ATRN: variants seen among roughly 807,000 people sequenced by gnomAD.
ATRN encodes the protein attractin-2.
In ATRN, 54 loss-of-function variants were observed where a neutral mutation model predicts 178.7. The ratio of observed to expected loss-of-function variants is 0.30; its 90% CI spans 0.24 to 0.38. ATRN has a LOEUF of 0.38. Ranked by LOEUF, ATRN falls within the 10% of genes least tolerant of loss-of-function variation. ATRN has a pLI of 1.00. For synonymous variants in ATRN, 636 were observed against 663.0 expected (o/e 0.96, Z 0.63); for missense variants, 1,443 against 1,815.1 (o/e 0.79, Z 3.73).
At chr20:3,543,164 G>A (rs924498283) in intron 3 of ATRN, among the ~76,000 whole-genome samples, 2 of 152,048 alleles carry the variant, frequency 1.3e-5, no homozygotes, top group Non-Finnish European at 2.9e-5. Flanking sequence ...TCCCTTCATA[G>A]CATTTGTCTC....
chr20:3,497,451 A>G (rs1220156234), intron 1 of ATRN, among the ~76,000 whole-genome samples: 15 of 152,046 alleles, frequency 9.9e-5, no homozygotes, highest in Admixed American at 6.6e-4. Flanking sequence ...GAAATTCTGG[A>G]TTGAAAATTC....
At chr20:3,528,929 T>C (rs2085412083) in intron 1 of ATRN, among the ~76,000 whole-genome samples, 1 of 152,000 alleles carries the variant, frequency 6.6e-6, no homozygotes, top group Non-Finnish European at 1.5e-5. Context: ...CCTTCTACCT[T>C]AACCTCCCAA....
intron 1 of ATRN, among the ~76,000 whole-genome samples, chr20:3,491,207 A>C (rs1240450285): frequency 6.6e-6 from 1 of 152,052 alleles, no homozygotes; most frequent in Non-Finnish European, 1.5e-5. Context: ...ATGTGGCCTC[A>C]TTTCTGTGTT....
chr20:3,501,643 G>A (rs955629435), intron 1 of ATRN, among the ~76,000 whole-genome samples: 1 of 152,208 alleles, frequency 6.6e-6, no homozygotes, highest in Non-Finnish European at 1.5e-5. Context: ...TGGAAAGTGA[G>A]CAAGGCAAAG....
intron 18 of ATRN, among the ~76,000 whole-genome samples, chr20:3,586,311 A>G (rs913850203): frequency 5.9e-5 from 9 of 152,254 alleles, no homozygotes; most frequent in African/African-American, 2.2e-4. Flanking sequence ...AAAACATGCT[A>G]TGTAAAAGAA....
Position 3,650,247 on chromosome 20 carries a change from T to TG in ATRN, c.*3403dup, listed in dbSNP as rs1293055764. The TG allele has an allele frequency of 6.5e-6, 1 of 152,672 alleles. No individual in the cohort carries two copies. The highest frequency in any genetic ancestry group is 1.5e-5 in the Non-Finnish European group (1 of 68,056). The allele number at this position is 152,672 out of a possible 1,614,324, so 9.5% of individuals were successfully genotyped here. ...GGGGCCAGGGGCTGATTCACTTCCT[T>TG]GGGAGATGGTGGTGTTTTCATGAAC... On this transcript the variant is annotated 3_prime_UTR_variant, in exon 29 of 29. Transcript: ENST00000262919.
At chr20:3,495,125 T>G (rs756990793) in intron 1 of ATRN, among the ~76,000 whole-genome samples, 20 of 152,204 alleles carry the variant, frequency 1.3e-4, no homozygotes, top group Non-Finnish European at 2.6e-4. Context: ...ATAGTATGAG[T>G]CAATATTCAT....
chr20:3,512,683 A>G (rs1409853367), intron 1 of ATRN, among the ~76,000 whole-genome samples: 1 of 152,190 alleles, frequency 6.6e-6, no homozygotes, highest in Non-Finnish European at 1.5e-5. Flanking sequence ...GAATCGCCAC[A>G]CTGACTTCCA....
chr20:3,512,754 T>A (rs531876276), intron 1 of ATRN, among the ~76,000 whole-genome samples: 4 of 152,190 alleles, frequency 2.6e-5, no homozygotes, highest in African/African-American at 9.7e-5. Flanking sequence ...TTTCTCCACA[T>A]CCTCTCCAGC....
intron 28 of ATRN, among the ~76,000 whole-genome samples, chr20:3,644,675 C>T (rs2087094441): frequency 1.3e-5 from 2 of 152,192 alleles, no homozygotes; most frequent in African/African-American, 4.8e-5. Context: ...TTGCCTTCTC[C>T]ACTCCACAAC....
At chr20:3,572,678 C>G in intron 11 of ATRN, 53 bp from the exon 12 acceptor site, 1 of 1,486,890 alleles carries the variant, frequency 6.7e-7, no homozygotes. Context: ...AGTATAGCAT[C>G]CAATTGTTAT....
chr20:3,590,808 A>G (rs1287299451), intron 18 of ATRN, among the ~76,000 whole-genome samples: 1 of 152,350 alleles, frequency 6.6e-6, no homozygotes, highest in Non-Finnish European at 1.5e-5. Context: ...ATACCAGAAG[A>G]AAATATATCA....
Position 3,547,495 on chromosome 20 carries a change from A to C in ATRN, c.943+6A>C. On this transcript the variant is annotated splice_donor_region_variant and intron_variant, in intron 5 of 28. Transcript: ENST00000262919. ...CTGCTTCTCAGACTGGCAGGGTAGG[A>C]GCTTCTTTCATTTTTATTTTTTCTT... The C allele has an allele frequency of 6.3e-7, 1 of 1,597,408 alleles. No homozygotes were observed. Among genetic ancestry groups the C allele is most frequent in the African/African-American group, 1.4e-5 (1 of 73,904 alleles).
intron 2 of ATRN, among the ~76,000 whole-genome samples, chr20:3,537,961 AATTTTTTT>A (rs1241616686): frequency 2.6e-5 from 3 of 116,096 alleles, no homozygotes; most frequent in Non-Finnish European, 5.7e-5. Flanking sequence ...TTTATTTTTT[AATTTTTTT>A]ATTATACTTT....
chr20:3,546,594 TG>T (rs1198479850), intron 4 of ATRN, among the ~76,000 whole-genome samples: 1 of 152,052 alleles, frequency 6.6e-6, no homozygotes, highest in East Asian at 1.9e-4. Context: ...GGTTTCACCA[TG>T]TTGGCCAGGC....
intron 1 of ATRN, chr20:3,489,926 TTCACTC>T: frequency 8.1e-7 from 1 of 1,240,436 alleles, no homozygotes; most frequent in Non-Finnish European, 1.2e-6. Context: ...TCTTTTCATC[TTCACTC>T]TCACTCTTAC....
chr20:3,646,922 C>T lies in ATRN; in HGVS notation c.*75C>T, dbSNP rs1192890375. ...GAGCCATCTGCAGGGAAGGGCGTGG[C>T]GGGGAAATGGCTGTGCGGTGCGGGA... On this transcript the variant is annotated 3_prime_UTR_variant, in exon 29 of 29. Transcript: ENST00000262919. 6.4e-6 allele frequency: 10 copies of T among 1,571,276 alleles called. No homozygotes were observed. Among genetic ancestry groups the T allele is most frequent in the South Asian group, 3.5e-5 (3 of 85,342 alleles).
chr20:3,491,017 C>T (rs1165435008), intron 1 of ATRN: 16 of 1,356,750 alleles, frequency 1.2e-5, no homozygotes, highest in East Asian at 9.2e-5. Flanking sequence ...TTCCTTTAGC[C>T]GCAGCCTCTC....
At chr20:3,597,845 A>G (rs1463714202) in intron 21 of ATRN, 61 bp from the exon 22 acceptor site, 2 of 1,060,740 alleles carry the variant, frequency 1.9e-6, no homozygotes, top group Admixed American at 3.9e-5. Flanking sequence ...CTGTATCTCT[A>G]AAGACCTGTT....
Sources: allele counts gnomAD v4.1 joint callset (sites outside exome capture counted in the v4.1 genomes callset), GRCh38; gene constraint gnomAD v4.1.1; transcripts MANE v1.5; gene names NCBI Gene and HGNC (gene_info 2026-07-23, HGNC 2026-07-21).